MMS22L: variants seen among roughly 807,000 people sequenced by gnomAD.
The protein encoded by MMS22L is MMS22 like, DNA repair protein.
MMS22L carries 74 observed loss-of-function variants against 159.1 expected under a neutral mutation model. The observed-to-expected ratio is 0.47, with a 90% CI of 0.39 to 0.56. The LOEUF (loss-of-function observed/expected upper bound fraction) is 0.56, where lower values mean the gene tolerates loss of function less well. Ranked by LOEUF, MMS22L falls within the 20% of genes least tolerant of loss-of-function variation. The pLI is 0.00. For synonymous variants in MMS22L, 517 were observed against 506.9 expected (o/e 1.02, Z -0.27); for missense variants, 1,351 against 1,422.1 (o/e 0.95, Z 0.80).
In MMS22L at chr6:97,186,526, G is replaced by A. The variant is rs1805247262; in HGVS notation, c.2204C>T (p.Pro735Leu). 2.5e-6 allele frequency: 4 copies of A among 1,612,420 alleles called. No individual in the cohort carries two copies. Among genetic ancestry groups the A allele is most frequent in the Non-Finnish European group, 1.7e-6 (2 of 1,179,412 alleles). ...AGCTGCATCCGCAAGTTGTGAGAAA[G>A]GCACTACCTGTGACATTCTCTGACT... ...LKSQRMSQVV[P>L]FSQLADAAAD... Residue 735 changes from proline to leucine, a missense_variant, in exon 15 of 25, where the codon CCT becomes CTT. Transcript: ENST00000683635.
At chr6:97,202,381 T>C (rs1224341613) in intron 14 of MMS22L, among the ~76,000 whole-genome samples, 4 of 152,182 alleles carry the variant, frequency 2.6e-5, no homozygotes, top group African/African-American at 9.6e-5. Context: ...GCAATGGATG[T>C]TTCAGATCTA....
In MMS22L at chr6:97,276,453, GGTA is replaced by G. The variant is rs1349609607; in HGVS notation, c.340+2393_340+2395del. Among the ~76,000 whole-genome samples the G allele has an allele frequency of 7.4e-4, 105 of 140,942 alleles. 1 individual carries two copies. The highest frequency in any genetic ancestry group is 2.7e-3 in the African/African-American group (99 of 36,954). 92.5% of individuals were successfully genotyped at this position (140,942 alleles called of 152,430 possible). On this transcript the variant is annotated intron_variant, in intron 4 of 24. Coordinates refer to ENST00000683635, the MANE Select transcript of MMS22L (RefSeq NM_001350599.2). ...TTAAGTTATTCTACGTAAAGGTAAAGGTATTTTGGTTCTTTCCACTATAATCTT... is the reference window on the plus strand; with the variant it reads ...TTAAGTTATTCTACGTAAAGGTAAAGTTTTGGTTCTTTCCACTATAATCTT...
At chr6:97,236,084 T>C (rs1019510275) in intron 11 of MMS22L, among the ~76,000 whole-genome samples, 16 of 152,016 alleles carry the variant, frequency 1.1e-4, no homozygotes, top group Admixed American at 4.6e-4. Flanking sequence ...TCCCAGCACT[T>C]TGGGAGACCG....
intron 19 of MMS22L, among the ~76,000 whole-genome samples, chr6:97,170,914 C>A (rs189998559): frequency 4.6e-5 from 7 of 151,836 alleles, no homozygotes; most frequent in Non-Finnish European, 8.8e-5. Context: ...GACTGAGGCA[C>A]GAGAATTGTT....
intron 22 of MMS22L, among the ~76,000 whole-genome samples, chr6:97,159,636 G>C (rs945384282): frequency 3.3e-5 from 5 of 151,912 alleles, no homozygotes; most frequent in African/African-American, 1.2e-4. Flanking sequence ...AATTCCAAAT[G>C]CTTCCAAATC....
At chr6:97,227,943 G>T (rs761519143) in intron 14 of MMS22L, among the ~76,000 whole-genome samples, 1 of 152,194 alleles carries the variant, frequency 6.6e-6, no homozygotes, top group Non-Finnish European at 1.5e-5. Context: ...AATTTAAGTG[G>T]ATCTGAAAAA....
chr6:97,249,475 T>C lies in MMS22L; in HGVS notation c.1120-2785A>G, dbSNP rs554394513. ...CAGAAGTAAAGACAGTTTTAGGGAC[T>C]GTCCCCTGAAACTTGGTAGTTGGCC... On this transcript the variant is annotated intron_variant, in intron 10 of 24. Transcript: ENST00000683635. Among the ~76,000 whole-genome samples the C allele has an allele frequency of 4.6e-5, 7 of 152,306 alleles. No individual in the cohort carries two copies. The South Asian group carries it at 1.5e-3, about 32-fold the overall frequency.
At chr6:97,196,922 C>T (rs6931754) in intron 14 of MMS22L, among the ~76,000 whole-genome samples, 83,413 of 151,814 alleles carry the variant, frequency 0.55, 23,856 homozygotes, top group African/African-American at 0.71. Context: ...AATGCTTAAG[C>T]GTTATCTTAT....
chr6:97,177,478 T>G (rs1441270336), intron 18 of MMS22L, among the ~76,000 whole-genome samples: 1 of 152,140 alleles, frequency 6.6e-6, no homozygotes, highest in East Asian at 1.9e-4. Flanking sequence ...AAAAAACTCA[T>G]TTTCTTAGTG....
At chr6:97,266,014 C>T (rs1815073516) in intron 8 of MMS22L, 1 of 152,190 alleles carries the variant, frequency 6.6e-6, no homozygotes, top group Non-Finnish European at 1.5e-5. Flanking sequence ...GCCACCGCGC[C>T]TAGCTGACAT....
chr6:97,237,725 C>G (rs1811567309), intron 11 of MMS22L, among the ~76,000 whole-genome samples: 1 of 151,882 alleles, frequency 6.6e-6, no homozygotes, highest in Admixed American at 6.6e-5. Flanking sequence ...TTTAGCTTCT[C>G]TAATAAACAA....
chr6:97,247,913 C>T (rs893048249), intron 10 of MMS22L, among the ~76,000 whole-genome samples: 2 of 152,112 alleles, frequency 1.3e-5, no homozygotes, highest in African/African-American at 4.8e-5. Context: ...AGGCAATATT[C>T]ATGTAAAATG....
intron 13 of MMS22L, among the ~76,000 whole-genome samples, chr6:97,230,090 T>C (rs192382522): frequency 9.2e-5 from 14 of 152,108 alleles, no homozygotes; most frequent in Non-Finnish European, 1.5e-4. Context: ...TAAGTTGTTG[T>C]TGGTTTTTTG....
chr6:97,153,018 T>C (rs1286886487), intron 22 of MMS22L, among the ~76,000 whole-genome samples: 1 of 151,756 alleles, frequency 6.6e-6, no homozygotes, highest in East Asian at 2.0e-4. Flanking sequence ...TAAAAAAGCT[T>C]TTTGTAGAGA....
chr6:97,238,591 G>GTGTTTGTGTGTGTGTGTT (rs34593916), intron 11 of MMS22L, among the ~76,000 whole-genome samples: 6 of 149,484 alleles, frequency 4.0e-5, no homozygotes, highest in Non-Finnish European at 7.4e-5. Context: ...GTGTGTGTGT[G>GTGTTTGTGTGTGTGTGTT]TGTGTGTGTG....
chr6:97,278,140 A>G (rs1816419196), intron 4 of MMS22L, among the ~76,000 whole-genome samples: 1 of 152,172 alleles, frequency 6.6e-6, no homozygotes, highest in Non-Finnish European at 1.5e-5. Flanking sequence ...GCGGTGGCTC[A>G]TGCCTGTAAT....
intron 24 of MMS22L, among the ~76,000 whole-genome samples, chr6:97,149,009 C>T (rs1317489568): frequency 6.6e-6 from 1 of 152,172 alleles, no homozygotes; most frequent in Admixed American, 6.5e-5. Flanking sequence ...TAAGTTACAA[C>T]TGTCTATAGT....
At chr6:97,158,099 A>T (rs1358172182) in intron 22 of MMS22L, among the ~76,000 whole-genome samples, 18 of 151,976 alleles carry the variant, frequency 1.2e-4, no homozygotes, top group Non-Finnish European at 2.2e-4. Flanking sequence ...TTTTTAGTTT[A>T]TTTGTGTAGA....
intron 24 of MMS22L, among the ~76,000 whole-genome samples, chr6:97,147,812 C>T (rs13215500): frequency 0.097 from 14,762 of 152,078 alleles, 1,424 homozygotes; most frequent in African/African-American, 0.25. Context: ...CTCTCCAGTC[C>T]GCACCCCCTG....
Sources: allele counts gnomAD v4.1 joint callset (sites outside exome capture counted in the v4.1 genomes callset), GRCh38; gene constraint gnomAD v4.1.1; transcripts MANE v1.5; gene names NCBI Gene and HGNC (gene_info 2026-07-23, HGNC 2026-07-21).